ANKDD1B: variants seen among roughly 807,000 people sequenced by gnomAD.
ANKDD1B encodes ankyrin repeat and death domain containing 1B.
A neutral mutation model predicts 59.7 loss-of-function variants in ANKDD1B; 57 were observed. The observed-to-expected ratio is 0.95, with a 90% CI of 0.77 to 1.19. The LOEUF (loss-of-function observed/expected upper bound fraction) is 1.19. ANKDD1B is among the 50% of genes most tolerant of loss of function. The pLI, the probability that ANKDD1B is intolerant of heterozygous loss-of-function variation, is 0.00. For synonymous variants in ANKDD1B, 216 were observed against 239.5 expected (o/e 0.90, Z 0.91); for missense variants, 602 against 641.9 (o/e 0.94, Z 0.67).
chr5:75,664,673 G>C (rs924710177), intron 11 of ANKDD1B, among the ~76,000 whole-genome samples: 4 of 152,024 alleles, frequency 2.6e-5, no homozygotes, highest in Non-Finnish European at 5.9e-5. Context: ...ATTCCTGATA[G>C]CTCTTTAAAA....
intron 7 of ANKDD1B, among the ~76,000 whole-genome samples, chr5:75,648,942 T>C (rs1032040009): frequency 6.6e-6 from 1 of 152,216 alleles, no homozygotes; most frequent in East Asian, 1.9e-4. Context: ...GGGGAGTGGG[T>C]AAAGGGTTGA....
chr5:75,618,730 T>C (rs1773774805), intron 2 of ANKDD1B, among the ~76,000 whole-genome samples: 1 of 152,154 alleles, frequency 6.6e-6, no homozygotes, highest in East Asian at 1.9e-4. Context: ...TCATAATAAC[T>C]GATGGGTTTT....
intron 5 of ANKDD1B, 148 bp from the exon 6 acceptor site, chr5:75,634,749 AT>A: frequency 1.7e-6 from 1 of 576,470 alleles, no homozygotes; most frequent in Non-Finnish European, 3.1e-6. Context: ...ACCTGATCTG[AT>A]TTGGAGTCAG....
chr5:75,669,668 G>A (rs1023410817), intron 13 of ANKDD1B, among the ~76,000 whole-genome samples: 1 of 152,140 alleles, frequency 6.6e-6, no homozygotes, highest in African/African-American at 2.4e-5. Context: ...TGTGGTGGGG[G>A]CAGGTGGGGT....
At chr5:75,651,002 C>T (rs1038106183) in intron 7 of ANKDD1B, among the ~76,000 whole-genome samples, 1 of 152,234 alleles carries the variant, frequency 6.6e-6, no homozygotes, top group Non-Finnish European at 1.5e-5. Context: ...CCTCAGCCTA[C>T]AGCCTGGGAA....
intron 1 of ANKDD1B, among the ~76,000 whole-genome samples, chr5:75,613,714 G>A (rs930668450): frequency 1.3e-5 from 2 of 152,186 alleles, no homozygotes; most frequent in Middle Eastern, 3.2e-3. Context: ...CTAGCTAGTC[G>A]TGCTGAGATT....
intron 10 of ANKDD1B, among the ~76,000 whole-genome samples, chr5:75,659,770 T>A (rs1446606091): frequency 1.3e-5 from 2 of 152,342 alleles, no homozygotes. Context: ...CAGAGTTTTT[T>A]ATGCATATGC....
At chr5:75,658,917 TA>T (rs1775044309) in intron 9 of ANKDD1B, among the ~76,000 whole-genome samples, 1 of 152,232 alleles carries the variant, frequency 6.6e-6, no homozygotes, top group Non-Finnish European at 1.5e-5. Flanking sequence ...ACTGAAATTT[TA>T]TATCTATTAA....
intron 13 of ANKDD1B, 146 bp downstream of exon 13, chr5:75,669,529 A>G: frequency 4.5e-6 from 3 of 674,124 alleles, no homozygotes; most frequent in Non-Finnish European, 6.2e-6. Context: ...AGGGGCTTGT[A>G]AGCTGTCAGC....
In ANKDD1B at chr5:75,656,075, C is replaced by T. The variant is rs568573714; in HGVS notation, c.944C>T (p.Thr315Met). 15 of 1,527,906 alleles carry T rather than the reference C, an allele frequency of 9.8e-6. No homozygotes were observed. Among genetic ancestry groups the T allele is most frequent in the South Asian group, 6.0e-5 (5 of 83,630 alleles). The allele number at this position is 1,527,906 out of a possible 1,614,324, so 94.6% of individuals were successfully genotyped here. Reference sequence around the variant, plus strand: ...TTAGTTGTTATCAACAACCACATCACGGTTGTAAACAGTTTATTAAGTGCA... The same window carrying T: ...TTAGTTGTTATCAACAACCACATCATGGTTGTAAACAGTTTATTAAGTGCA... ...LHLVVINNHI[T>M]VVNSLLSAQH... The change falls in exon 9 of 14, where the codon ACG (threonine) becomes ATG (methionine). Residue 315 changes from threonine (T) to methionine (M), a missense_variant. Around this residue, in one of 3 missense-constraint regions of ANKDD1B, gnomAD observed 280 missense variants for 319.8 expected, o/e 0.88. Transcript: ENST00000601380.
At chr5:75,620,133 A>G (rs1773807864) in intron 2 of ANKDD1B, among the ~76,000 whole-genome samples, 182 bp from the exon 3 acceptor site, 1 of 152,224 alleles carries the variant, frequency 6.6e-6, no homozygotes, top group African/African-American at 2.4e-5. Flanking sequence ...ATGTTATCTC[A>G]TAATGAAGGC....
At chr5:75,642,135 T>C (rs1191359636) in intron 7 of ANKDD1B, among the ~76,000 whole-genome samples, 1 of 152,062 alleles carries the variant, frequency 6.6e-6, no homozygotes, top group African/African-American at 2.4e-5. Flanking sequence ...TGCACAGGGA[T>C]TGTGAGAGAG....
intron 12 of ANKDD1B, among the ~76,000 whole-genome samples, chr5:75,667,525 C>T (rs979393195): frequency 6.6e-5 from 10 of 152,098 alleles, no homozygotes; most frequent in African/African-American, 2.2e-4. Flanking sequence ...ATGAGCGACA[C>T]GGCAAATACA....
At chr5:75,624,418 G>A (rs1017650303) in intron 3 of ANKDD1B, among the ~76,000 whole-genome samples, 8 of 152,086 alleles carry the variant, frequency 5.3e-5, no homozygotes, top group Admixed American at 3.9e-4. Flanking sequence ...AAAATAACCA[G>A]TGTTAACTGC....
chr5:75,659,244 C>A, intron 9 of ANKDD1B, 39 bp from the exon 10 acceptor site: 1 of 1,444,894 alleles, frequency 6.9e-7, no homozygotes, highest in Non-Finnish European at 9.4e-7. Flanking sequence ...TTTGTCTTTT[C>A]ACCGTCCAAG....
At chr5:75,641,605 C>T (rs1053825903) in intron 7 of ANKDD1B, among the ~76,000 whole-genome samples, 2 of 152,140 alleles carry the variant, frequency 1.3e-5, no homozygotes, top group African/African-American at 4.8e-5. Flanking sequence ...CTGCTCTGCA[C>T]CTTGGTTTCT....
chr5:75,632,212 T>C (rs1774185124), intron 5 of ANKDD1B, among the ~76,000 whole-genome samples: 1 of 151,962 alleles, frequency 6.6e-6, no homozygotes, highest in South Asian at 2.1e-4. Context: ...AGCCATCTAG[T>C]CAAAGGTGAC....
Position 75,620,390 on chromosome 5 carries a change from G to A in ANKDD1B, c.373G>A (p.Ala125Thr). Residue 125 changes from alanine to threonine, a missense_variant, in exon 3 of 14, where the codon GCC becomes ACC. Physicochemically the swap from Ala to Thr is moderately conservative, Grantham distance 58. This residue lies in a region of ANKDD1B where 317 missense variants were observed against 304.6 expected (regional missense o/e 1.04). Transcript: ENST00000601380. ...SAVDFLLKHK[A>T]RVDVADKHGL... ...AGTGGATTTCTTGCTTAAACACAAG[G>A]CCAGGGTGGATGTTGCTGATAAGGT... The A allele has an allele frequency of 6.5e-7, 1 of 1,534,294 alleles. No homozygotes were observed. Among genetic ancestry groups the A allele is most frequent in the Non-Finnish European group, 8.7e-7 (1 of 1,145,322 alleles).
intron 3 of ANKDD1B, 98 bp downstream of exon 3, chr5:75,620,511 ATATTT>A (rs1773820359): frequency 3.1e-6 from 2 of 652,692 alleles, no homozygotes; most frequent in Non-Finnish European, 5.2e-6. Flanking sequence ...TACACACAAA[ATATTT>A]TAATTGGCAG....
Sources: allele counts gnomAD v4.1 joint callset (sites outside exome capture counted in the v4.1 genomes callset), GRCh38; gene constraint gnomAD v4.1.1; regional missense constraint gnomAD v4.1.1; transcripts MANE v1.5; gene names NCBI Gene and HGNC (gene_info 2026-07-23, HGNC 2026-07-21).